PABPC4L: variants seen among roughly 807,000 people sequenced by gnomAD.
PABPC4L encodes the protein poly(A) binding protein cytoplasmic 4 like.
For synonymous variants in PABPC4L, 169 were observed against 164.1 expected (o/e 1.03, Z -0.23); for missense variants, 452 against 451.4 (o/e 1.00, Z -0.01).
the PABPC4L span, among the ~76,000 whole-genome samples, chr4:133,963,432 A>C: frequency 5.3e-5 from 8 of 152,278 alleles, no homozygotes; most frequent in East Asian, 1.3e-3. Context: ...TAGACAGGTC[A>C]TCAAGACAGA....
the PABPC4L span, among the ~76,000 whole-genome samples, chr4:133,959,101 G>T: frequency 6.6e-6 from 1 of 152,242 alleles, no homozygotes; most frequent in East Asian, 1.9e-4. Context: ...AATAGAGTAT[G>T]CCAGGACAGT....
the PABPC4L span, among the ~76,000 whole-genome samples, chr4:134,103,823 G>A: frequency 6.6e-6 from 1 of 151,712 alleles, no homozygotes; most frequent in Non-Finnish European, 1.5e-5. Flanking sequence ...GAATGTACAT[G>A]GAGGGAGAAA....
At chr4:134,003,592 A>G in the PABPC4L span, among the ~76,000 whole-genome samples, 1 of 152,080 alleles carries the variant, frequency 6.6e-6, no homozygotes, top group Admixed American at 6.6e-5. Context: ...TTATTACTTT[A>G]TTAAAAAATA....
the PABPC4L span, among the ~76,000 whole-genome samples, chr4:134,173,717 T>C: frequency 1.3e-5 from 2 of 152,108 alleles, no homozygotes; most frequent in Non-Finnish European, 1.5e-5. Flanking sequence ...AATTGGAATG[T>C]TTGTAACACA....
the PABPC4L span, among the ~76,000 whole-genome samples, chr4:133,978,660 A>G: frequency 6.6e-6 from 1 of 152,192 alleles, no homozygotes; most frequent in East Asian, 1.9e-4. Context: ...TACAGTTGGG[A>G]AAACTGGCCT....
the PABPC4L span, among the ~76,000 whole-genome samples, chr4:134,014,704 G>C: frequency 6.6e-6 from 1 of 151,840 alleles, no homozygotes; most frequent in East Asian, 1.9e-4. Flanking sequence ...CCGAGCTTTT[G>C]GTAACTCTCA....
At chr4:134,181,323 C>T in the PABPC4L span, among the ~76,000 whole-genome samples, 15 of 151,946 alleles carry the variant, frequency 9.9e-5, 1 homozygote, top group African/African-American at 3.4e-4. Flanking sequence ...TTTAATATCC[C>T]TTTATGTTAA....
the PABPC4L span, among the ~76,000 whole-genome samples, chr4:134,071,014 C>A: frequency 2.6e-5 from 4 of 152,172 alleles, no homozygotes; most frequent in Non-Finnish European, 4.4e-5. Context: ...CCATACCAAA[C>A]CCTGAGGGCT....
At chr4:134,195,848 G>C (rs533034244), downstream of PABPC4L, among the ~76,000 whole-genome samples, 1 of 151,624 alleles carries the variant, frequency 6.6e-6, no homozygotes, top group Non-Finnish European at 1.5e-5. Context: ...AGATCCAAAT[G>C]TATGTGTAAC....
the PABPC4L span, among the ~76,000 whole-genome samples, chr4:133,950,937 G>A: frequency 6.6e-6 from 1 of 152,148 alleles, no homozygotes; most frequent in Non-Finnish European, 1.5e-5. Flanking sequence ...CCAAAGGTTT[G>A]TATCACTCCA....
At chr4:134,066,149 T>C in the PABPC4L span, among the ~76,000 whole-genome samples, 1 of 152,092 alleles carries the variant, frequency 6.6e-6, no homozygotes, top group African/African-American at 2.4e-5. Flanking sequence ...AAGAATGCCA[T>C]GGTAAATTGA....
chr4:133,969,615 T>C, the PABPC4L span, among the ~76,000 whole-genome samples: 1 of 152,196 alleles, frequency 6.6e-6, no homozygotes, highest in Non-Finnish European at 1.5e-5. Context: ...ATCAATGTGG[T>C]CACAGATTAG....
chr4:134,192,800 T>C (rs1226257842), downstream of PABPC4L, among the ~76,000 whole-genome samples: 1 of 152,054 alleles, frequency 6.6e-6, no homozygotes, highest in African/African-American at 2.4e-5. Context: ...TTGAATAAAG[T>C]TTAAGGTAAT....
At chr4:134,007,944 C>T in the PABPC4L span, among the ~76,000 whole-genome samples, 1 of 151,662 alleles carries the variant, frequency 6.6e-6, no homozygotes, top group Non-Finnish European at 1.5e-5. Context: ...TAGTAAATCT[C>T]AGAAACTTTG....
the PABPC4L span, among the ~76,000 whole-genome samples, chr4:134,161,247 GA>G: frequency 1.3e-3 from 189 of 142,360 alleles, no homozygotes; most frequent in Non-Finnish European, 2.1e-3. Context: ...AGTCAGAGAA[GA>G]AAAAAAAAAG....
At chr4:134,082,832 A>G in the PABPC4L span, among the ~76,000 whole-genome samples, 1 of 152,160 alleles carries the variant, frequency 6.6e-6, no homozygotes, top group African/African-American at 2.4e-5. Context: ...CTCAAAGTGT[A>G]AAATAGTCTA....
rs1729813682 is a variant in PABPC4L, at chr4:134,200,337, T to A, written c.683A>T (p.Lys228Ile). 1 of 1,595,266 alleles carries A rather than the reference T, an allele frequency of 6.3e-7. No homozygotes were observed. The highest frequency in any genetic ancestry group is 8.5e-7 in the Non-Finnish European group (1 of 1,169,650). ...SVKVMTDSSGKSKGFGFVSFD... is the reference protein window; with the variant it reads ...SVKVMTDSSGISKGFGFVSFD... ...ACTCACAAAGCCAAAGCCTTTGGAT[T>A]TCCCACTGGAATCTGTCATCACCTT... Residue 228 changes from lysine (K) to isoleucine (I), a missense_variant, in exon 2 of 2, where the codon AAA (lysine) becomes ATA (isoleucine). By Grantham distance (102) the Lys-to-Ile change is moderately radical. Transcript: ENST00000421491.
At chr4:134,012,023 C>A in the PABPC4L span, among the ~76,000 whole-genome samples, 1 of 152,112 alleles carries the variant, frequency 6.6e-6, no homozygotes, top group South Asian at 2.1e-4. Context: ...GTATTGAAAT[C>A]TCTATTAATA....
chr4:134,059,818 A>G, the PABPC4L span, among the ~76,000 whole-genome samples: 1 of 152,098 alleles, frequency 6.6e-6, no homozygotes, highest in African/African-American at 2.4e-5. Flanking sequence ...CCAACGAATC[A>G]TCTCCCCGAC....
Sources: gnomAD v4.1 joint callset for allele counts (sites outside exome capture counted in the v4.1 genomes callset) on GRCh38, gnomAD v4.1.1 for gene constraint, MANE v1.5 for transcripts, NCBI Gene and HGNC (gene_info 2026-07-23, HGNC 2026-07-21) for gene names.